Variants in KLF12 observed in about 807,000 individuals in gnomAD.
KLF12 encodes Krueppel-like factor 12.
A neutral mutation model predicts 37.8 loss-of-function variants in KLF12; 9 were observed. The observed-to-expected ratio is 0.24, with a 90% CI of 0.14 to 0.42. The LOEUF is 0.42. Ranked by LOEUF, KLF12 falls within the 10% of genes least tolerant of loss-of-function variation. The probability of loss-of-function intolerance (pLI) is 1.00; values close to 1 mark genes in which losing one functional copy is unlikely to be tolerated. For synonymous variants in KLF12, 208 were observed against 202.1 expected (o/e 1.03, Z -0.25); for missense variants, 411 against 516.0 (o/e 0.80, Z 1.97).
At chr13:73,824,527 G>C (rs553137474) in intron 4 of KLF12, among the ~76,000 whole-genome samples, 1 of 152,220 alleles carries the variant, frequency 6.6e-6, no homozygotes, top group African/African-American at 2.4e-5. Context: ...GGTGAATGCT[G>C]TCACTATTCA....
At chr13:74,104,373 C>T (rs1343763042) in intron 1 of KLF12, among the ~76,000 whole-genome samples, 1 of 152,184 alleles carries the variant, frequency 6.6e-6, no homozygotes, top group African/African-American at 2.4e-5. Context: ...CATAAAGATG[C>T]ATAAGGCAGT....
At chr13:74,285,194 T>A in the KLF12 span, among the ~76,000 whole-genome samples, 2 of 151,756 alleles carry the variant, frequency 1.3e-5, no homozygotes, top group African/African-American at 4.9e-5. Context: ...TTTTTTTTTT[T>A]ACACCATGGA....
chr13:74,140,844 G>C, the KLF12 span, among the ~76,000 whole-genome samples: 1 of 152,140 alleles, frequency 6.6e-6, no homozygotes. Flanking sequence ...ACGAGATCAG[G>C]AGATCGAGAC....
chr13:73,714,722 G>C (rs928715770), intron 7 of KLF12, among the ~76,000 whole-genome samples: 5 of 152,162 alleles, frequency 3.3e-5, no homozygotes, highest in African/African-American at 7.2e-5. Context: ...CAGAGGATGG[G>C]GTGGGCAGGG....
rs190077191 is a variant in KLF12 at position 73,935,512 on chromosome 13, G to A, written c.123+8469C>T. On this transcript the variant is annotated intron_variant, in intron 3 of 7. Coordinates refer to ENST00000377669, the MANE Select transcript of KLF12 (RefSeq NM_007249.5). ...GGGGCGGATCCCTCATTAATGGCTT[G>A]GTGTTGTCTTCATGGTAATGAATGC... is the stretch of plus-strand genomic sequence containing the variant. 1.7e-3 allele frequency among the ~76,000 whole-genome samples: 257 copies of A among 152,170 alleles called. 2 individuals carry two copies. The highest frequency in any genetic ancestry group is 5.7e-3 in the African/African-American group (237 of 41,532).
chr13:74,021,320 T>C (rs1197737023), intron 1 of KLF12, among the ~76,000 whole-genome samples: 1 of 152,178 alleles, frequency 6.6e-6, no homozygotes, highest in East Asian at 1.9e-4. Context: ...CTTACTATAA[T>C]AAATCCTATT....
At chr13:74,231,004 C>T in the KLF12 span, among the ~76,000 whole-genome samples, 41 of 150,760 alleles carry the variant, frequency 2.7e-4, no homozygotes, top group Middle Eastern at 0.011. Context: ...TCAGTACTTT[C>T]GCTACTACCA....
At chr13:74,262,073 GAA>G in the KLF12 span, among the ~76,000 whole-genome samples, 1 of 152,198 alleles carries the variant, frequency 6.6e-6, no homozygotes, top group Non-Finnish European at 1.5e-5. Context: ...CTACAATTTT[GAA>G]AGACTGTGGC....
chr13:74,036,901 T>C (rs1893260675), intron 1 of KLF12, among the ~76,000 whole-genome samples: 1 of 152,172 alleles, frequency 6.6e-6, no homozygotes, highest in African/African-American at 2.4e-5. Flanking sequence ...CTTGGTCACA[T>C]AAGCGTAAAA....
At chr13:73,861,646 T>C (rs1395031345) in intron 3 of KLF12, among the ~76,000 whole-genome samples, 3 of 152,206 alleles carry the variant, frequency 2.0e-5, no homozygotes, top group Admixed American at 2.0e-4. Context: ...TTTCCTACTT[T>C]TTCCCCTAAC....
At chr13:74,287,529 T>C in the KLF12 span, among the ~76,000 whole-genome samples, 3 of 152,236 alleles carry the variant, frequency 2.0e-5, no homozygotes, top group Admixed American at 6.5e-5. Context: ...TATACTTGCT[T>C]ATATCTGAAC....
rs141835593 is a variant in KLF12, at chr13:74,018,665, T to C, written c.-31-23612A>G. 2.9e-4 allele frequency among the ~76,000 whole-genome samples: 44 copies of C among 152,290 alleles called. No homozygotes were observed. In the East Asian group the frequency reaches 8.5e-3, roughly 29 times the overall value. On this transcript the variant is annotated intron_variant, in intron 1 of 7. Transcript: ENST00000377669. Reference sequence around the variant, plus strand: ...GAATTTTACCAATTTAAATTAGTAATAATGTTTCTGCACAATGAATTATTC... The same window carrying C: ...GAATTTTACCAATTTAAATTAGTAACAATGTTTCTGCACAATGAATTATTC...
intron 4 of KLF12, among the ~76,000 whole-genome samples, chr13:73,840,426 A>T (rs529073207): frequency 6.6e-6 from 1 of 152,002 alleles, no homozygotes; most frequent in Non-Finnish European, 1.5e-5. Context: ...AGGCTCGCCC[A>T]CCCAACTCCC....
chr13:73,986,725 G>A (rs1313892357), intron 2 of KLF12, among the ~76,000 whole-genome samples: 1 of 152,156 alleles, frequency 6.6e-6, no homozygotes, highest in African/African-American at 2.4e-5. Context: ...GGAGGTAGAA[G>A]GGGAGAACCA....
At chr13:73,807,388 T>C (rs1332382327) in intron 5 of KLF12, among the ~76,000 whole-genome samples, 1 of 152,086 alleles carries the variant, frequency 6.6e-6, no homozygotes, top group Non-Finnish European at 1.5e-5. Context: ...CTTGCTACCA[T>C]ATCTGCTCTT....
intron 5 of KLF12, among the ~76,000 whole-genome samples, chr13:73,810,459 T>A (rs1353966475): frequency 6.6e-6 from 1 of 152,074 alleles, no homozygotes. Context: ...TTTTATTTTA[T>A]TTATTTGTTT....
At chr13:73,956,406 T>C (rs1030875644) in intron 2 of KLF12, among the ~76,000 whole-genome samples, 6 of 152,202 alleles carry the variant, frequency 3.9e-5, no homozygotes, top group Non-Finnish European at 7.3e-5. Flanking sequence ...ACTACAGACA[T>C]TTACACCAGA....
At chr13:73,898,533 T>C (rs2139068007) in intron 3 of KLF12, among the ~76,000 whole-genome samples, 1 of 152,148 alleles carries the variant, frequency 6.6e-6, no homozygotes, top group South Asian at 2.1e-4. Flanking sequence ...ACAACCTTCA[T>C]CCAAGCCTGG....
At chr13:74,097,036 T>A (rs1448058699) in intron 1 of KLF12, among the ~76,000 whole-genome samples, 1 of 152,192 alleles carries the variant, frequency 6.6e-6, no homozygotes, top group Non-Finnish European at 1.5e-5. Flanking sequence ...CTCTCTGAAC[T>A]ACAGTTTCCA....
Sources: allele counts gnomAD v4.1 joint callset (sites outside exome capture counted in the v4.1 genomes callset), GRCh38; gene constraint gnomAD v4.1.1; transcripts MANE v1.5; gene names NCBI Gene and HGNC (gene_info 2026-07-23, HGNC 2026-07-21).